Variants in PCDH15 observed in about 807,000 individuals in gnomAD.
The protein encoded by PCDH15 is protocadherin-15.
Under a neutral mutation model 178.5 loss-of-function variants are expected in PCDH15, and 129 were observed. The observed-to-expected ratio is 0.72, with a 90% CI of 0.63 to 0.84. The LOEUF (loss-of-function observed/expected upper bound fraction) is 0.84. Ranked by LOEUF, PCDH15 falls within the 40% of genes least tolerant of loss-of-function variation. The probability of loss-of-function intolerance (pLI) is 0.00; values close to 1 mark genes in which losing one functional copy is unlikely to be tolerated. For synonymous variants in PCDH15, 800 were observed against 732.0 expected, an observed-to-expected ratio of 1.09 and a Z score of -1.50; for missense variants, 2,230 against 2,099.9, an observed-to-expected ratio of 1.06 and a Z score of -1.21.
chr10:54,014,505 C>A (rs907839671), intron 20 of PCDH15, among the ~76,000 whole-genome samples: 2 of 151,966 alleles, frequency 1.3e-5, no homozygotes, highest in African/African-American at 4.8e-5. Context: ...GAACACAGAT[C>A]CAAAAATCTT....
rs184637139 is a variant in PCDH15, at chr10:54,029,701, T to C, written c.2221-6504A>G. The stretch of plus-strand genomic sequence containing the variant: ...TTGTATAATTTTTGAGAAGCGATTT[T>C]ATAGCATGCCACTTGAAAAGGGAAA... On this transcript the variant is annotated intron_variant, in intron 18 of 37. Coordinates refer to ENST00000644397, the MANE Select transcript of PCDH15 (RefSeq NM_001384140.1). Among the ~76,000 whole-genome samples the C allele has an allele frequency of 6.4e-4, 98 of 152,342 alleles. 1 individual carries two copies. Among genetic ancestry groups the C allele is most frequent in the African/African-American group, 2.3e-3 (96 of 41,586 alleles).
intron 2 of PCDH15, among the ~76,000 whole-genome samples, chr10:55,346,974 G>T (rs1216890763): frequency 3.3e-5 from 5 of 152,062 alleles, no homozygotes; most frequent in Admixed American, 1.3e-4. Flanking sequence ...CAGCACTTTG[G>T]GGGGCTGAGG....
At chr10:55,326,575 G>T (rs1301632175) in intron 2 of PCDH15, among the ~76,000 whole-genome samples, 1 of 151,784 alleles carries the variant, frequency 6.6e-6, no homozygotes, top group East Asian at 1.9e-4. Flanking sequence ...TAAAAAAAAT[G>T]AAACTGCAAT....
intron 2 of PCDH15, among the ~76,000 whole-genome samples, chr10:54,995,334 T>C (rs7912084): frequency 0.32 from 47,309 of 147,568 alleles, 8,845 homozygotes; most frequent in African/African-American, 0.52. Context: ...AGAGATCGCA[T>C]CACTGCACTC....
intron 8 of PCDH15, among the ~76,000 whole-genome samples, chr10:54,264,530 G>A (rs118172411): frequency 2.0e-5 from 3 of 152,142 alleles, no homozygotes; most frequent in East Asian, 1.9e-4. Flanking sequence ...AAAACAGTCC[G>A]AATTTGAAAG....
chr10:55,455,066 G>A (rs1028228240), intron 2 of PCDH15, among the ~76,000 whole-genome samples: 8 of 152,046 alleles, frequency 5.3e-5, no homozygotes, highest in African/African-American at 1.9e-4. Context: ...CTCAGTTAAT[G>A]TTGTGTGTTG....
chr10:53,840,603 C>A, intron 28 of PCDH15, 107 bp from the exon 29 acceptor site: 1 of 1,086,196 alleles, frequency 9.2e-7, no homozygotes, highest in South Asian at 1.3e-5. Context: ...TGATGACAGC[C>A]TAGTTTTTTG....
intron 2 of PCDH15, among the ~76,000 whole-genome samples, chr10:55,577,711 TG>T (rs1842523140): frequency 6.6e-6 from 1 of 152,176 alleles, no homozygotes; most frequent in Non-Finnish European, 1.5e-5. Context: ...AAATTAATTT[TG>T]GAGATAAAGT....
At chr10:55,417,343 G>T (rs1306235867) in intron 2 of PCDH15, among the ~76,000 whole-genome samples, 4 of 151,698 alleles carry the variant, frequency 2.6e-5, no homozygotes, top group Admixed American at 2.0e-4. Flanking sequence ...AAGGAAGAAA[G>T]AATTCTTTGG....
chr10:55,478,694 G>A (rs1840111137), intron 2 of PCDH15, among the ~76,000 whole-genome samples: 1 of 150,844 alleles, frequency 6.6e-6, no homozygotes, highest in Non-Finnish European at 1.5e-5. Context: ...ATAAAAAACA[G>A]TGAGATAAAG....
At chr10:54,509,434 T>C (rs1049214430) in intron 3 of PCDH15, among the ~76,000 whole-genome samples, 2 of 152,130 alleles carry the variant, frequency 1.3e-5, no homozygotes, top group Non-Finnish European at 2.9e-5. Context: ...CCTCCCCAGC[T>C]ATGTGGATCT....
intron 32 of PCDH15, among the ~76,000 whole-genome samples, chr10:53,820,938 T>A (rs2132468790): frequency 6.6e-6 from 1 of 152,196 alleles, no homozygotes; most frequent in East Asian, 1.9e-4. Flanking sequence ...TTTTTCTATT[T>A]AAGCTTTTTA....
intron 2 of PCDH15, among the ~76,000 whole-genome samples, chr10:54,645,534 T>C (rs2135072925): frequency 6.6e-6 from 1 of 152,270 alleles, no homozygotes; most frequent in East Asian, 1.9e-4. Context: ...AAGTGGTTGC[T>C]GAGTTCCTAT....
intron 2 of PCDH15, among the ~76,000 whole-genome samples, chr10:54,949,408 A>C (rs1290190665): frequency 1.3e-5 from 2 of 151,930 alleles, no homozygotes; most frequent in African/African-American, 2.4e-5. Flanking sequence ...GCATGGGAGA[A>C]ACCACCCCCA....
At chr10:54,818,283 G>C (rs1952979478) in intron 3 of PCDH15, among the ~76,000 whole-genome samples, 1 of 152,000 alleles carries the variant, frequency 6.6e-6, no homozygotes, top group Non-Finnish European at 1.5e-5. Flanking sequence ...GTAATTATTA[G>C]GGCATATTCA....
chr10:55,439,342 A>C (rs187720474), intron 2 of PCDH15, among the ~76,000 whole-genome samples: 10 of 152,248 alleles, frequency 6.6e-5, no homozygotes, highest in African/African-American at 2.4e-4. Flanking sequence ...ATATCCACCT[A>C]ATCTGACCTT....
Position 54,923,511 on chromosome 10 carries a change from C to T in PCDH15, c.-79-26011G>A, listed in dbSNP as rs540637897. ...TTATGATCTTTTTCCCTTTTAAATACGAATTCCAATTTCATGACCATTTCC... is the reference window on the plus strand; with the variant it reads ...TTATGATCTTTTTCCCTTTTAAATATGAATTCCAATTTCATGACCATTTCC... On this transcript the variant is annotated intron_variant, in intron 2 of 5. Coordinates refer to the PCDH15 transcript ENST00000458638. 1.7e-4 allele frequency among the ~76,000 whole-genome samples: 24 copies of T among 138,168 alleles called. 6 individuals are homozygous for T. The highest frequency in any genetic ancestry group is 4.3e-4 in the Admixed American group (6 of 14,116). The allele number at this position is 138,168 out of a possible 152,430, so 90.6% of individuals were successfully genotyped here. A position where few individuals can be genotyped will look rare whatever the true frequency, so the allele number is the denominator to read the frequency against.
At chr10:55,586,781 C>T (rs1205884670) in intron 2 of PCDH15, among the ~76,000 whole-genome samples, 1 of 152,024 alleles carries the variant, frequency 6.6e-6, no homozygotes, top group Non-Finnish European at 1.5e-5. Context: ...TATATTTTTG[C>T]TCTTATGACA....
intron 3 of PCDH15, among the ~76,000 whole-genome samples, chr10:54,895,010 G>A (rs1017434539): frequency 1.3e-5 from 2 of 152,114 alleles, no homozygotes; most frequent in African/African-American, 4.8e-5. Context: ...TCATCACTCT[G>A]ACAGCAGAAT....
Sources: allele counts gnomAD v4.1 joint callset (sites outside exome capture counted in the v4.1 genomes callset), GRCh38; gene constraint gnomAD v4.1.1; transcripts MANE v1.5; gene names NCBI Gene and HGNC (gene_info 2026-07-23, HGNC 2026-07-21).